Variants in RHOT1 observed in about 807,000 individuals in gnomAD.
RHOT1 encodes ras homolog family member T1.
Under a neutral mutation model 95.3 loss-of-function variants are expected in RHOT1, and 27 were observed. The observed-to-expected ratio is 0.28, with a 90% CI of 0.21 to 0.39. The LOEUF is 0.39. Among genes scored for constraint, RHOT1 ranks in the 10% least tolerant of loss-of-function variants. RHOT1 has a pLI of 1.00. For synonymous variants in RHOT1, 227 were observed against 263.5 expected (o/e 0.86, Z 1.34); for missense variants, 578 against 786.7 (o/e 0.73, Z 3.17).
At chr17:32,187,094 G>A (rs780174890) in intron 8 of RHOT1, among the ~76,000 whole-genome samples, 6 of 151,874 alleles carry the variant, frequency 4.0e-5, no homozygotes, top group East Asian at 2.0e-4. Context: ...CGAGACCAGC[G>A]TGGCCAACGT....
intron 18 of RHOT1, chr17:32,208,546 A>G (rs150837641): frequency 7.1e-5 from 35 of 490,706 alleles, no homozygotes; most frequent in African/African-American, 6.0e-4. Context: ...AACTATCTTA[A>G]TAGAATAGTA....
At chr17:32,181,422 A>G (rs2035623388) in intron 6 of RHOT1, among the ~76,000 whole-genome samples, 1 of 152,090 alleles carries the variant, frequency 6.6e-6, no homozygotes, top group Non-Finnish European at 1.5e-5. Flanking sequence ...TTCACATCTA[A>G]CCTATCAGCT....
chr17:32,182,937 G>A, intron 7 of RHOT1, 72 bp downstream of exon 7: 2 of 948,420 alleles, frequency 2.1e-6, no homozygotes, highest in Non-Finnish European at 1.6e-6. Flanking sequence ...TAAATAGGGG[G>A]GACAATGTGG....
At chr17:32,164,040 A>T (rs924627696) in intron 1 of RHOT1, among the ~76,000 whole-genome samples, 6 of 152,050 alleles carry the variant, frequency 3.9e-5, no homozygotes, top group Admixed American at 1.3e-4. Flanking sequence ...CTGTAGTCCC[A>T]GCTACTAGGG....
chr17:32,143,214 G>T, intron 1 of RHOT1: 1 of 431,832 alleles, frequency 2.3e-6, no homozygotes, highest in Non-Finnish European at 4.7e-6. Context: ...GGGAAGCTGG[G>T]GGAGGGGTGC....
chr17:32,162,090 GC>G (rs2035031577), intron 1 of RHOT1, among the ~76,000 whole-genome samples: 1 of 152,124 alleles, frequency 6.6e-6, no homozygotes, highest in Non-Finnish European at 1.5e-5. Flanking sequence ...TAAGTCATTG[GC>G]CACGTGCTTG....
intron 19 of RHOT1, among the ~76,000 whole-genome samples, chr17:32,217,832 C>A (rs1027109984): frequency 6.6e-6 from 1 of 150,654 alleles, no homozygotes; most frequent in Admixed American, 6.6e-5. Context: ...GTCCAGAAGA[C>A]TTTTTTTAAT....
intron 1 of RHOT1, among the ~76,000 whole-genome samples, chr17:32,148,444 T>G (rs976942425): frequency 6.6e-6 from 1 of 152,222 alleles, no homozygotes; most frequent in Non-Finnish European, 1.5e-5. Flanking sequence ...TCCTCACATA[T>G]GTACTGAAAC....
chr17:32,170,564 T>A (rs1229999280), intron 1 of RHOT1, among the ~76,000 whole-genome samples: 3 of 152,250 alleles, frequency 2.0e-5, no homozygotes, highest in African/African-American at 7.2e-5. Context: ...TGTGTAACCA[T>A]CACCACTATC....
chr17:32,158,708 T>G (rs111607042), intron 1 of RHOT1, among the ~76,000 whole-genome samples: 154 of 152,294 alleles, frequency 1.0e-3, no homozygotes, highest in African/African-American at 3.7e-3. Flanking sequence ...TCCGCCCACC[T>G]CAGCCTCCCA....
At chr17:32,220,968 G>A (rs2038796012) in intron 19 of RHOT1, 1 of 540,136 alleles carries the variant, frequency 1.9e-6, no homozygotes, top group Non-Finnish European at 2.4e-6. Flanking sequence ...GAAAAACTAT[G>A]CAGTAAGATA....
intron 6 of RHOT1, among the ~76,000 whole-genome samples, chr17:32,180,770 T>A (rs1445204104): frequency 6.6e-6 from 1 of 150,538 alleles, no homozygotes; most frequent in African/African-American, 2.5e-5. Context: ...CTTGGACCAC[T>A]GAATTAAACA....
intron 11 of RHOT1, among the ~76,000 whole-genome samples, chr17:32,195,647 TCAG>T (rs1292060246): frequency 6.6e-6 from 1 of 152,174 alleles, no homozygotes; most frequent in Non-Finnish European, 1.5e-5. Context: ...CATAGCACCT[TCAG>T]CTGTCTATGT....
In RHOT1 at chr17:32,206,921, C is replaced by T. The variant is rs1251227522; in HGVS notation, c.1428C>T (p.Ile476=). The change falls in exon 17 of 20, where the codon ATC becomes ATT. Residue 476 remains isoleucine (I), a synonymous_variant. Coordinates refer to ENST00000545287, the MANE Select transcript of RHOT1 (RefSeq NM_001033566.3). ...TTTTCTTTTACAAGTTGCATGATAT[C>T]TCAGAATCGGAATTTCTAACTGAAG... ...GQEKYLLLHD[I]SESEFLTEAE... is the part of the protein sequence containing the mutation. The T allele has an allele frequency of 1.3e-6, 2 of 1,587,268 alleles. No homozygotes were observed. The highest frequency in any genetic ancestry group is 1.7e-5 in the Admixed American group (1 of 59,158).
At chr17:32,143,582 A>C (rs906058742) in intron 1 of RHOT1, among the ~76,000 whole-genome samples, 1 of 152,196 alleles carries the variant, frequency 6.6e-6, no homozygotes, top group African/African-American at 2.4e-5. Context: ...ATCTCCCCCC[A>C]CCCAGAAATT....
intron 2 of RHOT1, 34 bp from the exon 3 acceptor site, chr17:32,173,796 TG>T (rs1390671593): frequency 2.4e-6 from 3 of 1,264,948 alleles, no homozygotes; most frequent in Non-Finnish European, 3.4e-6. Context: ...TATTCAAAGG[TG>T]TTTTTTTTTT....
intron 18 of RHOT1, 34 bp downstream of exon 18, chr17:32,208,343 T>A: frequency 6.4e-7 from 1 of 1,558,480 alleles, no homozygotes; most frequent in Non-Finnish European, 8.9e-7. Flanking sequence ...TCATGTTGCA[T>A]GGTTCATAAC....
intron 19 of RHOT1, among the ~76,000 whole-genome samples, chr17:32,223,644 A>G (rs1184013340): frequency 1.3e-5 from 2 of 151,236 alleles, no homozygotes; most frequent in African/African-American, 4.9e-5. Context: ...CGAACTCCTG[A>G]CCTCAGGTGA....
intron 16 of RHOT1, among the ~76,000 whole-genome samples, chr17:32,206,176 C>T (rs1197870925): frequency 7.3e-6 from 1 of 137,842 alleles, no homozygotes; most frequent in African/African-American, 2.7e-5. Context: ...CTCACTAATA[C>T]TAGCTTCCAT....
Sources: gnomAD v4.1 joint callset for allele counts (sites outside exome capture counted in the v4.1 genomes callset) on GRCh38, gnomAD v4.1.1 for gene constraint, MANE v1.5 for transcripts, NCBI Gene and HGNC (gene_info 2026-07-23, HGNC 2026-07-21) for gene names.